Variants in SNX29 observed in about 807,000 individuals in gnomAD.
SNX29 encodes the protein sorting nexin 29.
Under a neutral mutation model 102.1 loss-of-function variants are expected in SNX29, and 78 were observed. That is an observed-to-expected ratio of 0.76 (90% confidence interval 0.64 to 0.92). The LOEUF (loss-of-function observed/expected upper bound fraction) is 0.92. SNX29 is among the 40% of genes least tolerant of loss of function. The pLI is 0.00. For missense variants in SNX29, 1,280 were observed against 1,061.7 expected (o/e 1.21, Z -2.86); for synonymous variants, 580 against 414.5 (o/e 1.40, Z -4.85).
At chr16:12,417,242 C>T (rs1479192464) in intron 18 of SNX29, among the ~76,000 whole-genome samples, 1 of 152,214 alleles carries the variant, frequency 6.6e-6, no homozygotes, top group Admixed American at 6.5e-5. Flanking sequence ...GTTTCTTCTG[C>T]GTAGCCAGGC....
At chr16:12,542,438 T>G (rs1218826765) in intron 20 of SNX29, among the ~76,000 whole-genome samples, 1 of 152,072 alleles carries the variant, frequency 6.6e-6, no homozygotes, top group Middle Eastern at 3.2e-3. Context: ...CAAGTTCAAT[T>G]TTGTTTCCTC....
intron 3 of SNX29, among the ~76,000 whole-genome samples, chr16:12,024,627 C>T (rs939227662): frequency 6.6e-6 from 1 of 152,160 alleles, no homozygotes. Context: ...ACCTGTGTGC[C>T]TCTGTGACAC....
chr16:12,564,721 T>TA (rs1428493018), intron 20 of SNX29, among the ~76,000 whole-genome samples: 2 of 151,906 alleles, frequency 1.3e-5, no homozygotes, highest in Non-Finnish European at 2.9e-5. Flanking sequence ...CACTTTGTTA[T>TA]AAAAATGCAG....
At chr16:12,491,226 C>T (rs1347618473) in intron 19 of SNX29, among the ~76,000 whole-genome samples, 3 of 152,256 alleles carry the variant, frequency 2.0e-5, no homozygotes, top group African/African-American at 7.2e-5. Flanking sequence ...GTGGCATTAG[C>T]ATCCTTGTAC....
At chr16:12,557,911 C>G (rs570453773) in intron 20 of SNX29, among the ~76,000 whole-genome samples, 2 of 152,152 alleles carry the variant, frequency 1.3e-5, no homozygotes, top group Non-Finnish European at 2.9e-5. Flanking sequence ...ATTCTCAAGT[C>G]GTCAGGGCAG....
intron 11 of SNX29, among the ~76,000 whole-genome samples, chr16:12,108,159 T>C (rs2053345445): frequency 6.6e-6 from 1 of 152,082 alleles, no homozygotes; most frequent in Admixed American, 6.6e-5. Flanking sequence ...ATCTTTAGGG[T>C]AGGAGAAGCC....
chr16:12,574,031 G>T lies in SNX29; in HGVS notation c.*5402G>T. The T allele has an allele frequency of 5.1e-6, 1 of 195,268 alleles. No homozygotes were observed. Among genetic ancestry groups the T allele is most frequent in the African/African-American group, 2.3e-5 (1 of 43,332 alleles). 12.1% of individuals were successfully genotyped at this position (195,268 alleles called of 1,614,324 possible). A position where few individuals can be genotyped will look rare whatever the true frequency, so the allele number is the denominator to read the frequency against. On this transcript the variant is annotated 3_prime_UTR_variant, in exon 21 of 21. Transcript: ENST00000566228. ...TAAGGGTAAGCAGGCCACATATCTA[G>T]AGTCTGATAGTCTGTGTGTACATAA...
chr16:12,476,321 A>G (rs2087592295), intron 18 of SNX29, among the ~76,000 whole-genome samples: 1 of 133,530 alleles, frequency 7.5e-6, no homozygotes, highest in South Asian at 2.6e-4. Flanking sequence ...CTCAAAAAAA[A>G]AAGTGAGCAA....
chr16:12,052,438 A>G (rs1841392401), intron 8 of SNX29: 4 of 465,728 alleles, frequency 8.6e-6, no homozygotes, highest in South Asian at 2.1e-5. Context: ...GCTGGTCTCA[A>G]ACTCCTGACC....
At position 12,371,401 on chromosome 16, in the gene SNX29, G is replaced by A. The variant is rs375564819; in HGVS notation, c.1899+15122G>A. Among the ~76,000 whole-genome samples the A allele has an allele frequency of 1.6e-4, 24 of 152,168 alleles. No homozygotes were observed. In the East Asian group the frequency reaches 3.7e-3, roughly 23 times the overall value. ...GCAGCCTCAAACTCCTGGGCTCAGCGATCCTTGCACTTCAGGCTCCGGAGA... is the reference window on the plus strand; with the variant it reads ...GCAGCCTCAAACTCCTGGGCTCAGCAATCCTTGCACTTCAGGCTCCGGAGA... On this transcript the variant is annotated intron_variant, in intron 16 of 20. Coordinates refer to ENST00000566228, the MANE Select transcript of SNX29 (RefSeq NM_032167.5).
chr16:12,403,914 C>T (rs751033620), intron 18 of SNX29, among the ~76,000 whole-genome samples: 5 of 152,110 alleles, frequency 3.3e-5, no homozygotes, highest in Non-Finnish European at 5.9e-5. Flanking sequence ...TGCTTGGTGA[C>T]CCTCTCAGGC....
chr16:12,263,516 T>A (rs1417231607), intron 14 of SNX29, among the ~76,000 whole-genome samples: 1 of 152,150 alleles, frequency 6.6e-6, no homozygotes, highest in Non-Finnish European at 1.5e-5. Flanking sequence ...GTTGGCCTGG[T>A]TGGGATTTAT....
intron 20 of SNX29, among the ~76,000 whole-genome samples, chr16:12,541,008 T>G (rs2077309821): frequency 6.6e-6 from 1 of 152,128 alleles, no homozygotes; most frequent in Non-Finnish European, 1.5e-5. Context: ...ACTGCGGGTT[T>G]CCTGGGACAG....
intron 17 of SNX29, among the ~76,000 whole-genome samples, chr16:12,402,842 C>A (rs896944460): frequency 1.3e-5 from 2 of 152,146 alleles, no homozygotes; most frequent in African/African-American, 4.8e-5. Context: ...TATTTGTACC[C>A]ATCAGCCTGG....
At chr16:12,268,057 G>A (rs560714573) in intron 14 of SNX29, among the ~76,000 whole-genome samples, 6 of 152,202 alleles carry the variant, frequency 3.9e-5, no homozygotes, top group Non-Finnish European at 7.3e-5. Context: ...GCTGTGCGGA[G>A]CTCACTCCCC....
intron 20 of SNX29, among the ~76,000 whole-genome samples, chr16:12,540,473 C>A (rs1023415452): frequency 1.3e-5 from 2 of 152,236 alleles, no homozygotes; most frequent in Non-Finnish European, 2.9e-5. Flanking sequence ...TACTAGGCTA[C>A]AGTCAAGGTG....
chr16:12,025,324 A>AAAAAAAT (rs2057159182), intron 3 of SNX29, among the ~76,000 whole-genome samples: 11 of 151,012 alleles, frequency 7.3e-5, no homozygotes, highest in South Asian at 2.1e-4. Context: ...AAAAAAAAAA[A>AAAAAAAT]GTGCCTGTGT....
At chr16:12,087,978 A>ACCCTGTGCAGGGGGCCATGGTCC in intron 11 of SNX29, 1 of 456,508 alleles carries the variant, frequency 2.2e-6, no homozygotes, top group Non-Finnish European at 4.4e-6. Flanking sequence ...TCATGGCTAG[A>ACCCTGTGCAGGGGGCCATGGTCC]CCCTGTGCAG....
At chr16:12,255,789 G>A (rs2078555020) in intron 14 of SNX29, among the ~76,000 whole-genome samples, 1 of 152,184 alleles carries the variant, frequency 6.6e-6, no homozygotes, top group Non-Finnish European at 1.5e-5. Context: ...ATGGACACAG[G>A]TTGATTCTGT....
Sources: gnomAD v4.1 joint callset for allele counts (sites outside exome capture counted in the v4.1 genomes callset) on GRCh38, gnomAD v4.1.1 for gene constraint, MANE v1.5 for transcripts, NCBI Gene and HGNC (gene_info 2026-07-23, HGNC 2026-07-21) for gene names.